CDH13: variants seen among roughly 807,000 people sequenced by gnomAD.
CDH13 encodes cadherin-13.
In CDH13, 24 loss-of-function variants were observed where a neutral mutation model predicts 63.8. The observed-to-expected ratio is 0.38, with a 90% CI of 0.27 to 0.53. The LOEUF is 0.53. Among genes scored for constraint, CDH13 ranks in the 20% least tolerant of loss-of-function variants. The pLI is 0.85. For synonymous variants in CDH13, 503 were observed against 355.3 expected, an observed-to-expected ratio of 1.42 and a Z score of -4.67; for missense variants, 1,049 against 903.1, an observed-to-expected ratio of 1.16 and a Z score of -2.07.
At chr16:83,371,399 G>T (rs533767943) in intron 6 of CDH13, among the ~76,000 whole-genome samples, 2 of 152,154 alleles carry the variant, frequency 1.3e-5, no homozygotes, top group African/African-American at 2.4e-5. Flanking sequence ...CTGCCTTTTT[G>T]TTCTTGCTTA....
intron 4 of CDH13, among the ~76,000 whole-genome samples, chr16:83,167,044 A>C (rs2037706846): frequency 6.6e-6 from 1 of 152,144 alleles, no homozygotes; most frequent in Non-Finnish European, 1.5e-5. Context: ...GAAAATAAAC[A>C]TACTATATAA....
chr16:82,974,619 G>A (rs1187666554), intron 2 of CDH13, among the ~76,000 whole-genome samples: 1 of 152,134 alleles, frequency 6.6e-6, no homozygotes, highest in South Asian at 2.1e-4. Context: ...GAGAGATCAT[G>A]TTGGACGATG....
chr16:83,262,540 A>G (rs780823110), intron 5 of CDH13, among the ~76,000 whole-genome samples: 1 of 152,222 alleles, frequency 6.6e-6, no homozygotes, highest in Non-Finnish European at 1.5e-5. Context: ...CATATTTTAC[A>G]CATTAAAAGA....
chr16:83,784,569 T>A (rs1452293240), intron 13 of CDH13, among the ~76,000 whole-genome samples: 1 of 149,666 alleles, frequency 6.7e-6, no homozygotes, highest in African/African-American at 2.5e-5. Flanking sequence ...GAGGCGGAGG[T>A]TGCAGTGAGC....
At chr16:82,653,678 A>T (rs1232487193) in intron 1 of CDH13, among the ~76,000 whole-genome samples, 1 of 152,120 alleles carries the variant, frequency 6.6e-6, no homozygotes, top group Non-Finnish European at 1.5e-5. Flanking sequence ...AAGAAACACG[A>T]TGTGCATGTC....
intron 7 of CDH13, among the ~76,000 whole-genome samples, chr16:83,495,274 C>G (rs769658735): frequency 2.6e-5 from 4 of 152,130 alleles, no homozygotes; most frequent in Admixed American, 6.6e-5. Flanking sequence ...TCTGGAAAGG[C>G]AGGACAACTG....
chr16:83,594,196 T>G (rs796728702), intron 7 of CDH13, among the ~76,000 whole-genome samples: 5 of 152,316 alleles, frequency 3.3e-5, no homozygotes, highest in African/African-American at 1.2e-4. Context: ...TTGTTACATC[T>G]TCGAAAGACT....
chr16:82,694,641 C>G (rs2030037162), intron 1 of CDH13, among the ~76,000 whole-genome samples: 3 of 152,184 alleles, frequency 2.0e-5, no homozygotes, highest in African/African-American at 7.2e-5. Flanking sequence ...CACTGCCATG[C>G]TTCATGTTAC....
chr16:82,825,613 T>C (rs1938703164), intron 1 of CDH13: 2 of 151,640 alleles, frequency 1.3e-5, no homozygotes, highest in Non-Finnish European at 2.9e-5. Context: ...TGGCACGATC[T>C]TGGCTCACTG....
intron 1 of CDH13, among the ~76,000 whole-genome samples, chr16:82,733,435 A>T (rs868428184): frequency 1.4e-4 from 21 of 152,352 alleles, no homozygotes; most frequent in Non-Finnish European, 1.3e-4. Flanking sequence ...CATATGACCC[A>T]ATTTGTAAAC....
intron 6 of CDH13, among the ~76,000 whole-genome samples, chr16:83,419,662 C>T (rs559514022): frequency 1.3e-5 from 2 of 152,170 alleles, no homozygotes; most frequent in African/African-American, 4.8e-5. Flanking sequence ...TGATCAGCTG[C>T]CCAAACCCCG....
chr16:82,729,952 ACT>A (rs1461921069), intron 1 of CDH13, among the ~76,000 whole-genome samples: 1 of 151,974 alleles, frequency 6.6e-6, no homozygotes, highest in Non-Finnish European at 1.5e-5. Context: ...CATGAACCAA[ACT>A]CTGCTAGCTT....
intron 6 of CDH13, among the ~76,000 whole-genome samples, chr16:83,456,418 A>G (rs980560932): frequency 2.0e-5 from 3 of 152,196 alleles, no homozygotes; most frequent in Non-Finnish European, 4.4e-5. Context: ...CTGGTGAGAA[A>G]GTTACCTGAG....
At chr16:83,449,602 T>C (rs527705825) in intron 6 of CDH13, among the ~76,000 whole-genome samples, 1 of 152,334 alleles carries the variant, frequency 6.6e-6, no homozygotes, top group East Asian at 1.9e-4. Context: ...GAGTCATTTA[T>C]GGTTCTAAAT....
chr16:83,152,444 C>G (rs1236178188), intron 4 of CDH13, among the ~76,000 whole-genome samples: 1 of 152,098 alleles, frequency 6.6e-6, no homozygotes, highest in East Asian at 1.9e-4. Flanking sequence ...ACTAAAAAAT[C>G]GTGTGTATTC....
intron 8 of CDH13, among the ~76,000 whole-genome samples, chr16:83,618,284 G>C (rs550022535): frequency 6.6e-6 from 1 of 152,066 alleles, no homozygotes; most frequent in South Asian, 2.1e-4. Flanking sequence ...AATTAGCCAG[G>C]CATGGTGGCA....
chr16:83,087,671 CAAAAAAAA>C (rs67228844), intron 3 of CDH13, among the ~76,000 whole-genome samples: 2 of 43,998 alleles, frequency 4.5e-5, no homozygotes, highest in African/African-American at 8.7e-5. Flanking sequence ...CCCTCCGTCT[CAAAAAAAA>C]AAAAAAAAAA....
chr16:82,678,888 GCC>G (rs1389609038), intron 1 of CDH13, among the ~76,000 whole-genome samples: 20 of 152,144 alleles, frequency 1.3e-4, no homozygotes, highest in Admixed American at 1.3e-3. Flanking sequence ...CCTGCCCTCA[GCC>G]TAGAAAGAAA....
chr16:83,117,997 G>C (rs1402523504), intron 3 of CDH13, among the ~76,000 whole-genome samples: 1 of 152,224 alleles, frequency 6.6e-6, no homozygotes. Context: ...GGAGATCTTT[G>C]TGTAGGGATG....
Sources: gnomAD v4.1 joint callset for allele counts (sites outside exome capture counted in the v4.1 genomes callset) on GRCh38, gnomAD v4.1.1 for gene constraint, MANE v1.5 for transcripts, NCBI Gene and HGNC (gene_info 2026-07-23, HGNC 2026-07-21) for gene names.